SOX5: variants seen among roughly 807,000 people sequenced by gnomAD.
SOX5 encodes SRY-box transcription factor 5.
A neutral mutation model predicts 92.0 loss-of-function variants in SOX5; 9 were observed. The observed-to-expected ratio is 0.10, with a 90% CI of 0.06 to 0.17. SOX5 has a LOEUF of 0.17. Ranked by LOEUF, SOX5 falls within the 10% of genes least tolerant of loss-of-function variation. SOX5 has a pLI of 1.00. For synonymous variants in SOX5, 344 were observed against 336.3 expected (o/e 1.02, Z -0.25); for missense variants, 642 against 944.5 (o/e 0.68, Z 4.20).
At chr12:23,886,109 A>G (rs574525511) in intron 2 of SOX5, among the ~76,000 whole-genome samples, 95 of 152,244 alleles carry the variant, frequency 6.2e-4, no homozygotes, top group African/African-American at 2.2e-3. Context: ...TTTTTCTTGA[A>G]AATGCTCCCA....
chr12:23,568,959 C>T (rs946232301), intron 10 of SOX5, among the ~76,000 whole-genome samples: 5 of 150,988 alleles, frequency 3.3e-5, no homozygotes, highest in African/African-American at 4.9e-5. Flanking sequence ...GAGGCTGAGG[C>T]GAGTAGATCA....
At chr12:23,698,461 C>G (rs750593729) in intron 6 of SOX5, among the ~76,000 whole-genome samples, 1 of 152,072 alleles carries the variant, frequency 6.6e-6, no homozygotes, top group Non-Finnish European at 1.5e-5. Context: ...AATTTCTGAT[C>G]CCATCCAGTA....
chr12:23,977,663 C>CAAA (rs11287193), intron 4 of SOX5, among the ~76,000 whole-genome samples: 3,150 of 129,422 alleles, frequency 0.024, 73 homozygotes, highest in African/African-American at 0.042. Flanking sequence ...CGTTCTGTCT[C>CAAA]AAAAAAAAAA....
At chr12:24,269,377 C>G (rs1229042087) in intron 3 of SOX5, among the ~76,000 whole-genome samples, 1 of 152,096 alleles carries the variant, frequency 6.6e-6, no homozygotes. Flanking sequence ...ATAAGCAAAA[C>G]AAAAATATAC....
rs555090485 is a variant in SOX5, at chr12:23,963,675, T to C, written c.-1-67651A>G. Among the ~76,000 whole-genome samples the C allele has an allele frequency of 9.4e-5, 14 of 148,984 alleles. 1 individual carries two copies. The highest frequency in any genetic ancestry group is 6.4e-4 in the South Asian group (3 of 4,680). On this transcript the variant is annotated intron_variant, in intron 4 of 4. Transcript: ENST00000446891. The stretch of plus-strand genomic sequence containing the variant: ...CATGCATGAATGAAGTACAAAAAAA[T>C]TGGAAGACTACACATTCTATACAAT...
At chr12:23,589,634 T>G (rs1951240715) in intron 9 of SOX5, among the ~76,000 whole-genome samples, 1 of 152,000 alleles carries the variant, frequency 6.6e-6, no homozygotes, top group African/African-American at 2.4e-5. Flanking sequence ...ATCTCTCCAG[T>G]GGTCAAAGGC....
At chr12:23,825,490 G>C (rs1033160151) in intron 3 of SOX5, among the ~76,000 whole-genome samples, 5 of 152,226 alleles carry the variant, frequency 3.3e-5, no homozygotes, top group Non-Finnish European at 7.3e-5. Context: ...GGTCTGGATG[G>C]GAGCTGCAGA....
At chr12:24,249,449 C>G (rs1381225526) in intron 3 of SOX5, among the ~76,000 whole-genome samples, 1 of 152,184 alleles carries the variant, frequency 6.6e-6, no homozygotes, top group African/African-American at 2.4e-5. Context: ...ATCATACCTG[C>G]TCTAGACCTT....
intron 4 of SOX5, among the ~76,000 whole-genome samples, chr12:24,078,373 A>T (rs1942912123): frequency 6.6e-6 from 1 of 152,070 alleles, no homozygotes; most frequent in African/African-American, 2.4e-5. Context: ...TGGCTTTTGA[A>T]TATGAGCCAC....
chr12:23,557,841 T>A (rs568160030), intron 11 of SOX5, among the ~76,000 whole-genome samples: 1 of 152,216 alleles, frequency 6.6e-6, no homozygotes, highest in East Asian at 1.9e-4. Flanking sequence ...CCAGGCGTTG[T>A]GGCACACGCC....
Position 24,133,030 on chromosome 12 carries a change from A to T in SOX5, c.-2+80313T>A, listed in dbSNP as rs538117855. ...ATCCTTGGAGGTAAGATGATAAAAC[A>T]TCCAATTCTACACATTTTAATAGTT... On this transcript the variant is annotated intron_variant, in intron 4 of 4. Transcript: ENST00000446891. 3.9e-4 allele frequency among the ~76,000 whole-genome samples: 59 copies of T among 152,342 alleles called. 1 individual carries two copies. The South Asian group carries it at 8.9e-3, about 23-fold the overall frequency.
At chr12:23,666,292 G>T (rs187406701) in intron 6 of SOX5, among the ~76,000 whole-genome samples, 73 of 152,096 alleles carry the variant, frequency 4.8e-4, no homozygotes, top group Admixed American at 3.2e-3. Flanking sequence ...AGACCACAGG[G>T]TCTCCATTTT....
At chr12:23,911,883 G>A (rs950859537) in intron 1 of SOX5, among the ~76,000 whole-genome samples, 1 of 152,034 alleles carries the variant, frequency 6.6e-6, no homozygotes, top group African/African-American at 2.4e-5. Context: ...CGTGGCCTTG[G>A]GTTAGGCAAT....
chr12:24,137,693 A>G (rs989394910), intron 4 of SOX5, among the ~76,000 whole-genome samples: 11 of 152,220 alleles, frequency 7.2e-5, no homozygotes, highest in African/African-American at 2.7e-4. Flanking sequence ...TTCAAACTTC[A>G]TTCTAGGCCT....
chr12:24,227,721 G>A (rs947820457), intron 3 of SOX5: 4 of 152,236 alleles, frequency 2.6e-5, no homozygotes, highest in Non-Finnish European at 1.5e-5. Context: ...GGCACTAATC[G>A]AAGCACCTCA....
At chr12:24,296,086 C>T (rs1947208285) in intron 2 of SOX5, among the ~76,000 whole-genome samples, 1 of 152,166 alleles carries the variant, frequency 6.6e-6, no homozygotes, top group African/African-American at 2.4e-5. Context: ...ATAAAATATC[C>T]TAACACAGTG....
At chr12:24,454,105 T>G (rs903835704) in intron 1 of SOX5, among the ~76,000 whole-genome samples, 1 of 152,102 alleles carries the variant, frequency 6.6e-6, no homozygotes, top group South Asian at 2.1e-4. Context: ...TCTTCATTCG[T>G]TCTCTTGTTT....
Position 23,962,925 on chromosome 12 carries a change from C to A in SOX5, c.-1-66901G>T, listed in dbSNP as rs145591284. Among the ~76,000 whole-genome samples the A allele has an allele frequency of 1.1e-4, 16 of 152,030 alleles. No individual in the cohort carries two copies. The East Asian group carries it at 1.2e-3, about 11-fold the overall frequency. On this transcript the variant is annotated intron_variant, in intron 4 of 4. Transcript: ENST00000446891. ...GAACATTTTGATTCACTGAAAAAAA[C>A]CCCTCAATTCACTAAAAGAAAATGT...
chr12:23,575,653 G>C lies in SOX5; in HGVS notation c.1342+8C>G, dbSNP rs755359294. The C allele has an allele frequency of 6.2e-7, 1 of 1,613,526 alleles. No individual in the cohort carries two copies. The highest frequency in any genetic ancestry group is 8.5e-7 in the Non-Finnish European group (1 of 1,179,578). Reference sequence around the variant, plus strand: ...AAAATCAGCAAGAACAAAAGAAACAGAACTTACCTATTGTGCTAACTCTGG... The same window carrying C: ...AAAATCAGCAAGAACAAAAGAAACACAACTTACCTATTGTGCTAACTCTGG... On this transcript the variant is annotated splice_region_variant and intron_variant, in intron 10 of 14. Coordinates refer to ENST00000451604, the MANE Select transcript of SOX5 (RefSeq NM_006940.6).
Sources: allele counts gnomAD v4.1 joint callset (sites outside exome capture counted in the v4.1 genomes callset), GRCh38; gene constraint gnomAD v4.1.1; transcripts MANE v1.5; gene names NCBI Gene and HGNC (gene_info 2026-07-23, HGNC 2026-07-21).